Variants in MAPKAP1 observed in about 807,000 individuals in gnomAD.
MAPKAP1 encodes the protein MAPK associated protein 1.
In MAPKAP1, 20 loss-of-function variants were observed where a neutral mutation model predicts 65.7. The observed-to-expected ratio is 0.30, with a 90% CI of 0.21 to 0.44. MAPKAP1 has a LOEUF of 0.44. Among genes scored for constraint, MAPKAP1 ranks in the 20% least tolerant of loss-of-function variants. The pLI, the probability that MAPKAP1 is intolerant of heterozygous loss-of-function variation, is 1.00. For missense variants in MAPKAP1, 423 were observed against 648.0 expected (o/e 0.65, Z 3.77); for synonymous variants, 222 against 244.3 (o/e 0.91, Z 0.85).
In MAPKAP1 at chr9:125,438,657, G is replaced by A; in HGVS notation, c.*230C>T. 1 of 535,140 alleles carries A rather than the reference G, an allele frequency of 1.9e-6. No homozygotes were observed. The highest frequency in any genetic ancestry group is 3.4e-5 in the Admixed American group (1 of 29,196). The allele number at this position is 535,140 out of a possible 1,614,324, so 33.1% of individuals were successfully genotyped here. On this transcript the variant is annotated 3_prime_UTR_variant, in exon 12 of 12. Coordinates refer to ENST00000265960, the MANE Select transcript of MAPKAP1 (RefSeq NM_001006617.3). The stretch of plus-strand genomic sequence containing the variant: ...CTCTAGGGGGTGGTCTGACCCCCAA[G>A]CATCGCTTATCAAAGCCACTGCCAA...
chr9:125,530,092 C>G (rs1829891305), intron 7 of MAPKAP1, among the ~76,000 whole-genome samples: 1 of 152,154 alleles, frequency 6.6e-6, no homozygotes, highest in Non-Finnish European at 1.5e-5. Flanking sequence ...AGCAGCAGAA[C>G]AGGAGTTGGG....
chr9:125,439,147 CCAGTCATCACAGCAACCTGGCAGCGGCTG>C lies in MAPKAP1; in HGVS notation c.1444-164_1444-136del, dbSNP rs1852390240. 1.4e-5 allele frequency: 13 copies of C among 911,030 alleles called. No individual in the cohort carries two copies. The highest frequency in any genetic ancestry group is 1.9e-5 in the Non-Finnish European group (12 of 616,346). The allele number at this position is 911,030 out of a possible 1,614,324, so 56.4% of individuals were successfully genotyped here. On this transcript the variant is annotated intron_variant, in intron 11 of 11. Transcript: ENST00000265960. This position sits in a 1 kb window ranked among gnomAD's most constrained non-coding sequence, Gnocchi z 4.0. ...CCAGGTGCTGTCGTGTGGAAGGAGT[CCAGTCATCACAGCAACCTGGCAGCGGCTG>C]GGCCCAGAGCCGCTGCTCTACGATG...
chr9:125,564,182 A>G (rs1202801725), intron 5 of MAPKAP1, among the ~76,000 whole-genome samples: 1 of 152,260 alleles, frequency 6.6e-6, no homozygotes, highest in Non-Finnish European at 1.5e-5. Flanking sequence ...CAGCACAGGC[A>G]AAGGTGAGGA....
At chr9:125,698,820 A>T (rs1055570246) in intron 1 of MAPKAP1, among the ~76,000 whole-genome samples, 1 of 152,298 alleles carries the variant, frequency 6.6e-6, no homozygotes, top group African/African-American at 2.4e-5. Context: ...ATCAATTCAC[A>T]TAATAGCTTA....
In MAPKAP1 at chr9:125,543,165, A is replaced by G; in HGVS notation, c.852T>C (p.Asn284=). ...TSKESLFVRI[N]AAHGFSLIQV... ...GAATAAGGGAGAATCCATGAGCAGC[A>G]TTTCTGTAGGAAAAGACAAATATTA... The change falls in exon 7 of 12, where the codon AAT becomes AAC. Residue 284 remains asparagine (N), a synonymous_variant. Coordinates refer to ENST00000265960, the MANE Select transcript of MAPKAP1 (RefSeq NM_001006617.3). 6 of 1,598,404 alleles carry G rather than the reference A, an allele frequency of 3.8e-6. No individual in the cohort carries two copies. Among genetic ancestry groups the G allele is most frequent in the Non-Finnish European group, 5.1e-6 (6 of 1,165,600 alleles).
At chr9:125,654,368 A>T (rs778311418) in intron 4 of MAPKAP1, among the ~76,000 whole-genome samples, 3 of 152,212 alleles carry the variant, frequency 2.0e-5, no homozygotes, top group Non-Finnish European at 4.4e-5. Flanking sequence ...GGTTTTGCGG[A>T]TCTGACCAAA....
At chr9:125,513,381 A>G (rs1829365420) in intron 7 of MAPKAP1, among the ~76,000 whole-genome samples, 1 of 152,200 alleles carries the variant, frequency 6.6e-6, no homozygotes, top group African/African-American at 2.4e-5. Flanking sequence ...TTATGTCTTC[A>G]TGTCAACTGT....
intron 1 of MAPKAP1, among the ~76,000 whole-genome samples, chr9:125,682,959 CTTTTT>C (rs5900668): frequency 1.9e-4 from 26 of 137,560 alleles, no homozygotes; most frequent in East Asian, 8.4e-4. Flanking sequence ...ATTTTAAATT[CTTTTT>C]TTTTTTTTTT....
chr9:125,492,035 TAAAAAA>T (rs33954490), intron 8 of MAPKAP1, among the ~76,000 whole-genome samples: 1 of 125,410 alleles, frequency 8.0e-6, no homozygotes, highest in African/African-American at 3.0e-5. Context: ...TACTGAAAGT[TAAAAAA>T]AAAAAAAAAA....
intron 7 of MAPKAP1, among the ~76,000 whole-genome samples, chr9:125,528,708 G>A (rs904307057): frequency 6.6e-6 from 1 of 151,652 alleles, no homozygotes; most frequent in East Asian, 2.0e-4. Context: ...TTAGCTGGGC[G>A]TGGTGGCACA....
intron 9 of MAPKAP1, among the ~76,000 whole-genome samples, chr9:125,475,246 C>T (rs542836580): frequency 6.6e-6 from 1 of 152,324 alleles, no homozygotes; most frequent in Admixed American, 6.5e-5. Flanking sequence ...AGCTCACCTG[C>T]CATGCAGGAG....
intron 5 of MAPKAP1, among the ~76,000 whole-genome samples, chr9:125,574,191 C>A (rs1249285140): frequency 6.6e-6 from 1 of 152,176 alleles, no homozygotes; most frequent in African/African-American, 2.4e-5. Context: ...CTCTTGTTCT[C>A]CATTTTATCC....
intron 8 of MAPKAP1, among the ~76,000 whole-genome samples, chr9:125,503,827 G>A (rs939040970): frequency 2.2e-4 from 32 of 143,834 alleles, no homozygotes; most frequent in African/African-American, 4.7e-4. Flanking sequence ...AGCGATTCTC[G>A]TGCCTCAGCC....
intron 7 of MAPKAP1, among the ~76,000 whole-genome samples, chr9:125,525,467 G>A (rs1829734621): frequency 1.3e-5 from 2 of 151,822 alleles, no homozygotes; most frequent in African/African-American, 4.8e-5. Flanking sequence ...TGAGGTCGGG[G>A]GTTCAAGACC....
rs1411313291 is a variant in MAPKAP1, at chr9:125,624,626, C to T, written c.498+33025G>A. Among the ~76,000 whole-genome samples the T allele has an allele frequency of 3.8e-4, 27 of 70,184 alleles. 1 individual carries two copies. The highest frequency in any genetic ancestry group is 1.3e-3 in the African/African-American group (25 of 19,520). The allele number at this position is 70,184 out of a possible 152,430, so 46.0% of individuals were successfully genotyped here. ...GGAGGGAGGTGGGGGGGGGGGTCAGCCCCCCTGCCCGGCCAGCCGCCCCGT... is the reference window on the plus strand; with the variant it reads ...GGAGGGAGGTGGGGGGGGGGGTCAGTCCCCCTGCCCGGCCAGCCGCCCCGT... On this transcript the variant is annotated intron_variant, in intron 4 of 11. Transcript: ENST00000265960.
At chr9:125,468,965 G>A (rs868692984) in intron 9 of MAPKAP1, among the ~76,000 whole-genome samples, 2 of 152,250 alleles carry the variant, frequency 1.3e-5, no homozygotes, top group Middle Eastern at 3.4e-3. Flanking sequence ...CACAGCAACC[G>A]CTTTCTCAGT....
chr9:125,487,894 A>G (rs1014064492), intron 8 of MAPKAP1, among the ~76,000 whole-genome samples: 2 of 152,232 alleles, frequency 1.3e-5, no homozygotes, highest in African/African-American at 4.8e-5. Context: ...AAAAGCTCAA[A>G]CAAGTGCCAG....
intron 1 of MAPKAP1, among the ~76,000 whole-genome samples, chr9:125,703,787 C>A (rs5019002): frequency 0.32 from 26,564 of 82,324 alleles, 5,696 homozygotes; most frequent in African/African-American, 0.59. Flanking sequence ...AAAAAAAAAA[C>A]AAGTAACGTG....
At position 125,529,503 on chromosome 9, in the gene MAPKAP1, C is replaced by CA. The variant is rs58127214; in HGVS notation, c.958+13555dup. ...TGTTCTGCTATTAAAAGTAGTGTGC[C>CA]AAAAAAAAAAAAGAAAAGAAAAAAA... On this transcript the variant is annotated intron_variant, in intron 7 of 11. Transcript: ENST00000265960. Among the ~76,000 whole-genome samples, 847 of 137,398 alleles carry CA rather than the reference C, an allele frequency of 6.2e-3. 10 individuals are homozygous for CA. Among genetic ancestry groups the CA allele is most frequent in the African/African-American group, 0.021 (783 of 36,974 alleles). 90.1% of individuals were successfully genotyped at this position (137,398 alleles called of 152,430 possible). A position where few individuals can be genotyped will look rare whatever the true frequency, so the allele number is the denominator to read the frequency against.
Sources: allele counts gnomAD v4.1 joint callset (sites outside exome capture counted in the v4.1 genomes callset), GRCh38; gene constraint gnomAD v4.1.1; non-coding constraint Gnocchi (gnomAD v3.1); transcripts MANE v1.5; gene names NCBI Gene and HGNC (gene_info 2026-07-23, HGNC 2026-07-21).